MACROD2: variants seen among roughly 807,000 people sequenced by gnomAD.
MACROD2 encodes the protein mono-ADP ribosylhydrolase 2, also known as ADP-ribose glycohydrolase MACROD2.
In MACROD2, 36 loss-of-function variants were observed where a neutral mutation model predicts 70.4. That is an observed-to-expected ratio of 0.51 (90% CI 0.39 to 0.68). The LOEUF (loss-of-function observed/expected upper bound fraction) is 0.68, where lower values mean the gene tolerates loss of function less well. MACROD2 is among the 30% of genes least tolerant of loss of function. The pLI is 0.00. For missense variants in MACROD2, 496 were observed against 538.4 expected (o/e 0.92, Z 0.78); for synonymous variants, 172 against 178.8 (o/e 0.96, Z 0.30).
chr20:14,634,656 A>G (rs1223159004), intron 4 of MACROD2, among the ~76,000 whole-genome samples: 1 of 151,364 alleles, frequency 6.6e-6, no homozygotes, highest in Non-Finnish European at 1.5e-5. Flanking sequence ...AATTGCCTGT[A>G]AGTCTGTAAA....
At chr20:15,300,942 G>C (rs2077635864) in intron 6 of MACROD2, among the ~76,000 whole-genome samples, 1 of 152,196 alleles carries the variant, frequency 6.6e-6, no homozygotes, top group African/African-American at 2.4e-5. Context: ...CAGCTAGTTA[G>C]TTTCTTGAGA....
intron 4 of MACROD2, among the ~76,000 whole-genome samples, chr20:14,675,331 G>A (rs768466083): frequency 6.6e-5 from 10 of 152,210 alleles, no homozygotes; most frequent in Non-Finnish European, 1.3e-4. Flanking sequence ...ACAAAGGGAA[G>A]CCCATCAGAC....
chr20:14,691,456 A>C (rs541539964), intron 5 of MACROD2, among the ~76,000 whole-genome samples: 1 of 152,324 alleles, frequency 6.6e-6, no homozygotes, highest in South Asian at 2.1e-4. Flanking sequence ...AATGCCTAGA[A>C]AAATATGGTG....
intron 10 of MACROD2, among the ~76,000 whole-genome samples, chr20:15,906,923 G>A: frequency 6.6e-6 from 1 of 152,210 alleles, no homozygotes; most frequent in East Asian, 1.9e-4. Context: ...GATTAAGGTG[G>A]TGTCTCAGAG....
intron 6 of MACROD2, among the ~76,000 whole-genome samples, chr20:15,374,875 A>T (rs2045541462): frequency 6.6e-6 from 1 of 152,248 alleles, no homozygotes; most frequent in Non-Finnish European, 1.5e-5. Context: ...TGTGGGTGTT[A>T]GTCACATAAA....
At chr20:14,799,065 A>G (rs1252495298) in intron 5 of MACROD2, among the ~76,000 whole-genome samples, 1 of 152,010 alleles carries the variant, frequency 6.6e-6, no homozygotes, top group Non-Finnish European at 1.5e-5. Flanking sequence ...CCTAACATAC[A>G]TTTCCTCTTT....
intron 5 of MACROD2, among the ~76,000 whole-genome samples, chr20:15,156,761 G>A (rs1349473931): frequency 1.3e-5 from 2 of 152,146 alleles, no homozygotes; most frequent in African/African-American, 4.8e-5. Context: ...TTCCTGATCT[G>A]CTTCTTTTCC....
chr20:15,392,611 T>G (rs1364980206), intron 6 of MACROD2, among the ~76,000 whole-genome samples: 1 of 152,114 alleles, frequency 6.6e-6, no homozygotes, highest in African/African-American at 2.4e-5. Flanking sequence ...ATTAAAGTGA[T>G]TTACCTAATT....
intron 5 of MACROD2, among the ~76,000 whole-genome samples, chr20:14,971,599 T>C (rs959044891): frequency 6.6e-6 from 1 of 152,118 alleles, no homozygotes. Context: ...CTGGGTTCAC[T>C]GGGGCAGGTC....
At chr20:15,495,803 G>T (rs1183077445) in intron 7 of MACROD2, among the ~76,000 whole-genome samples, 1 of 152,160 alleles carries the variant, frequency 6.6e-6, no homozygotes, top group Non-Finnish European at 1.5e-5. Context: ...TGAGGTAAAG[G>T]TACATGGTAT....
chr20:15,357,815 T>C lies in MACROD2; in HGVS notation c.541-73590T>C, dbSNP rs1463718912. Among the ~76,000 whole-genome samples the C allele has an allele frequency of 4.7e-3, 409 of 86,960 alleles. 4 individuals are homozygous for C. The highest frequency in any genetic ancestry group is 0.017 in the African/African-American group (394 of 22,914). 57.0% of individuals were successfully genotyped at this position (86,960 alleles called of 152,430 possible). A position where few individuals can be genotyped will look rare whatever the true frequency, so the allele number is the denominator to read the frequency against. On this transcript the variant is annotated intron_variant, in intron 6 of 17. Transcript: ENST00000684519. ...CATTCATTCTTTTTTTTTTTTTTTT[T>C]TTTTTTTTCAAGACAGAGTCTTGCT...
At chr20:15,958,403 T>G (rs6034337) in intron 12 of MACROD2, among the ~76,000 whole-genome samples, 144,529 of 152,182 alleles carry the variant, frequency 0.95, 68,951 homozygotes, top group East Asian at 1. Flanking sequence ...TTTGAATATC[T>G]CTTTGGATTC....
At chr20:14,795,664 C>A (rs1455007007) in intron 5 of MACROD2, among the ~76,000 whole-genome samples, 2 of 152,020 alleles carry the variant, frequency 1.3e-5, no homozygotes, top group African/African-American at 4.8e-5. Flanking sequence ...CAGCAGGAGG[C>A]AAGGCCAGTG....
chr20:14,273,950 A>G (rs1460554245), intron 3 of MACROD2, among the ~76,000 whole-genome samples: 1 of 152,188 alleles, frequency 6.6e-6, no homozygotes, highest in African/African-American at 2.4e-5. Context: ...ACCAGGAAGA[A>G]GTTGAATCTC....
At chr20:15,452,300 G>A (rs1225942750) in intron 7 of MACROD2, among the ~76,000 whole-genome samples, 1 of 152,118 alleles carries the variant, frequency 6.6e-6, no homozygotes, top group African/African-American at 2.4e-5. Context: ...TAACAAGTGT[G>A]TCACAGCCTA....
intron 5 of MACROD2, among the ~76,000 whole-genome samples, chr20:15,052,739 A>G (rs1345201197): frequency 6.6e-6 from 1 of 152,218 alleles, no homozygotes; most frequent in Non-Finnish European, 1.5e-5. Flanking sequence ...AGTGAGAGAA[A>G]GAATTGCAGG....
intron 3 of MACROD2, among the ~76,000 whole-genome samples, chr20:14,196,655 G>A (rs1000278065): frequency 1.3e-5 from 2 of 152,196 alleles, no homozygotes; most frequent in Admixed American, 6.5e-5. Flanking sequence ...CAGCATGACT[G>A]AGGCATGATG....
intron 4 of MACROD2, among the ~76,000 whole-genome samples, chr20:14,524,989 C>A (rs937652291): frequency 1.3e-5 from 2 of 152,090 alleles, no homozygotes; most frequent in African/African-American, 4.8e-5. Flanking sequence ...TTAGGAAGAG[C>A]CCCCATTTTC....
intron 8 of MACROD2, among the ~76,000 whole-genome samples, chr20:15,501,694 A>G (rs1171974313): frequency 6.6e-6 from 1 of 152,206 alleles, no homozygotes; most frequent in African/African-American, 2.4e-5. Flanking sequence ...CATATCCTGT[A>G]CTGATTCCCT....
Sources: allele counts gnomAD v4.1 joint callset (sites outside exome capture counted in the v4.1 genomes callset), GRCh38; gene constraint gnomAD v4.1.1; transcripts MANE v1.5; gene names NCBI Gene and HGNC (gene_info 2026-07-23, HGNC 2026-07-21).